Variants in CPQ observed in about 807,000 individuals in gnomAD.
The protein encoded by CPQ is Ser-Met dipeptidase.
A neutral mutation model predicts 45.7 loss-of-function variants in CPQ; 37 were observed. The observed-to-expected ratio is 0.81, with a 90% CI of 0.62 to 1.07. The LOEUF (loss-of-function observed/expected upper bound fraction) is 1.07. Ranked by LOEUF, CPQ falls within the 50% of genes least tolerant of loss-of-function variation. CPQ has a pLI of 0.00. For missense variants in CPQ, 537 were observed against 572.9 expected, an observed-to-expected ratio of 0.94 and a Z score of 0.64; for synonymous variants, 186 against 205.8, an observed-to-expected ratio of 0.90 and a Z score of 0.82.
intron 3 of CPQ, among the ~76,000 whole-genome samples, chr8:96,878,268 C>T (rs571097416): frequency 3.9e-5 from 6 of 152,202 alleles, no homozygotes; most frequent in African/African-American, 1.2e-4. Context: ...GCCCGGCTTG[C>T]AGTCTACTTT....
At chr8:96,765,736 A>T (rs2130794783) in intron 1 of CPQ, among the ~76,000 whole-genome samples, 1 of 152,318 alleles carries the variant, frequency 6.6e-6, no homozygotes, top group South Asian at 2.1e-4. Flanking sequence ...GGTTAAATTA[A>T]AATTCCAAAC....
chr8:97,095,157 C>T (rs1398826177), intron 7 of CPQ, among the ~76,000 whole-genome samples: 1 of 152,126 alleles, frequency 6.6e-6, no homozygotes, highest in Non-Finnish European at 1.5e-5. Context: ...TGGAAGATAA[C>T]TCTATAGATT....
intron 5 of CPQ, among the ~76,000 whole-genome samples, chr8:97,028,938 C>G (rs183790702): frequency 6.6e-6 from 1 of 152,326 alleles, no homozygotes; most frequent in Non-Finnish European, 1.5e-5. Flanking sequence ...GCATGGGCAT[C>G]TAGCTATGCT....
intron 5 of CPQ, among the ~76,000 whole-genome samples, chr8:97,026,651 GT>G (rs984622766): frequency 1.3e-5 from 2 of 152,220 alleles, no homozygotes; most frequent in Admixed American, 1.3e-4. Flanking sequence ...AGGTGCTAGG[GT>G]TCCCTGCTAA....
At chr8:96,886,417 C>A (rs941075510) in intron 4 of CPQ, among the ~76,000 whole-genome samples, 1 of 152,224 alleles carries the variant, frequency 6.6e-6, no homozygotes, top group African/African-American at 2.4e-5. Context: ...AATATTATTT[C>A]TACCCCCACT....
At chr8:96,950,548 G>C (rs745589952) in intron 4 of CPQ, among the ~76,000 whole-genome samples, 2 of 152,034 alleles carry the variant, frequency 1.3e-5, no homozygotes, top group Non-Finnish European at 2.9e-5. Context: ...GAAATAGGAG[G>C]CTTTTTAATT....
chr8:96,724,490 G>GAC (rs146087978), intron 1 of CPQ, among the ~76,000 whole-genome samples: 7,289 of 144,702 alleles, frequency 0.05, 197 homozygotes, highest in East Asian at 0.062. Context: ...ATTTAGAGTA[G>GAC]ACACACACAC....
intron 4 of CPQ, among the ~76,000 whole-genome samples, chr8:96,940,442 C>G (rs1347760150): frequency 6.6e-6 from 1 of 152,186 alleles, no homozygotes; most frequent in Non-Finnish European, 1.5e-5. Flanking sequence ...CCATCTTGCT[C>G]TCCCTCTCTT....
chr8:97,135,766 CT>C (rs1220940462), intron 7 of CPQ, among the ~76,000 whole-genome samples: 2 of 152,198 alleles, frequency 1.3e-5, no homozygotes, highest in Non-Finnish European at 2.9e-5. Flanking sequence ...AGCTGCTCGC[CT>C]GTGAATGCAT....
intron 1 of CPQ, among the ~76,000 whole-genome samples, chr8:96,700,108 TG>T (rs1263830806): frequency 6.6e-6 from 1 of 152,054 alleles, no homozygotes; most frequent in Non-Finnish European, 1.5e-5. Context: ...AGGCTTAGCT[TG>T]GTGAGGTTGT....
intron 4 of CPQ, among the ~76,000 whole-genome samples, chr8:96,929,494 C>G (rs1239753664): frequency 6.6e-6 from 1 of 152,092 alleles, no homozygotes; most frequent in Non-Finnish European, 1.5e-5. Context: ...TCTCTCAGCT[C>G]CAATGCTGTG....
rs570710946 is a variant in CPQ at position 96,771,105 on chromosome 8, AT to A, written c.-34-13758del. ...ATATATATATATTATATATATATAA[AT>A]ATATATATTTATATATTTTAATGTT... On this transcript the variant is annotated intron_variant, in intron 1 of 7. Coordinates refer to ENST00000220763, the MANE Select transcript of CPQ (RefSeq NM_016134.4). 6.0e-3 allele frequency among the ~76,000 whole-genome samples: 883 copies of A among 146,056 alleles called. 8 individuals carry two copies. Among genetic ancestry groups the A allele is most frequent in the African/African-American group, 0.02 (811 of 40,608 alleles).
chr8:96,749,965 A>C (rs764864805), intron 1 of CPQ, among the ~76,000 whole-genome samples: 28 of 152,152 alleles, frequency 1.8e-4, no homozygotes, highest in Non-Finnish European at 3.5e-4. Context: ...GATTAAACAA[A>C]TTGATTAATC....
chr8:96,783,902 T>C (rs1810723250), intron 1 of CPQ, among the ~76,000 whole-genome samples: 1 of 152,196 alleles, frequency 6.6e-6, no homozygotes, highest in Non-Finnish European at 1.5e-5. Context: ...ATTTACCTAT[T>C]GTGCATTAGT....
intron 5 of CPQ, among the ~76,000 whole-genome samples, chr8:97,005,767 C>G (rs1048152980): frequency 2.0e-5 from 3 of 152,032 alleles, no homozygotes; most frequent in African/African-American, 7.3e-5. Context: ...AAAAGGTTAT[C>G]AGTTTAATGC....
chr8:96,980,710 G>A (rs1813878306), intron 5 of CPQ, among the ~76,000 whole-genome samples: 1 of 152,118 alleles, frequency 6.6e-6, no homozygotes, highest in African/African-American at 2.4e-5. Flanking sequence ...CTCACAGTGA[G>A]GAGGCCCTCA....
intron 7 of CPQ, among the ~76,000 whole-genome samples, chr8:97,116,526 T>C (rs1335589188): frequency 6.6e-6 from 1 of 152,192 alleles, no homozygotes; most frequent in Non-Finnish European, 1.5e-5. Flanking sequence ...ATGGTTTTTT[T>C]CCAAATTTTT....
chr8:96,668,004 T>A (rs1808948472), intron 1 of CPQ, among the ~76,000 whole-genome samples: 1 of 152,162 alleles, frequency 6.6e-6, no homozygotes, highest in Non-Finnish European at 1.5e-5. Context: ...GGCATAAATT[T>A]AAAAAAAAGT....
rs115865969 is a variant in CPQ, at chr8:96,824,117, T to A, written c.434-10856T>A. Among the ~76,000 whole-genome samples, 777 of 152,148 alleles carry A rather than the reference T, an allele frequency of 5.1e-3. 4 individuals carry two copies. Among genetic ancestry groups the A allele is most frequent in the African/African-American group, 0.015 (620 of 41,546 alleles). Reference sequence around the variant, plus strand: ...GTATTTAGGCATCTTGTAGATAAAATGTATGGATGAATAATCAGATGAGGA... The same window carrying A: ...GTATTTAGGCATCTTGTAGATAAAAAGTATGGATGAATAATCAGATGAGGA... On this transcript the variant is annotated intron_variant, in intron 2 of 7. Transcript: ENST00000220763.
Sources: allele counts gnomAD v4.1 joint callset (sites outside exome capture counted in the v4.1 genomes callset), GRCh38; gene constraint gnomAD v4.1.1; transcripts MANE v1.5; gene names NCBI Gene and HGNC (gene_info 2026-07-23, HGNC 2026-07-21).